The following SPAG16 variants were observed in gnomAD, a reference collection of about 807,000 sequenced individuals.
SPAG16 encodes sperm associated antigen 16.
Under a neutral mutation model 80.4 loss-of-function variants are expected in SPAG16, and 86 were observed. The observed-to-expected ratio is 1.07, with a 90% CI of 0.90 to 1.28. The LOEUF (loss-of-function observed/expected upper bound fraction) is 1.28, where lower values mean the gene tolerates loss of function less well. Ranked by LOEUF, SPAG16 falls within the 50% of genes most tolerant of loss-of-function variation. The pLI is 0.00. For missense variants in SPAG16, 870 were observed against 765.3 expected, an observed-to-expected ratio of 1.14 and a Z score of -1.61; for synonymous variants, 294 against 265.9, an observed-to-expected ratio of 1.11 and a Z score of -1.03.
chr2:214,085,189 T>C (rs900848478), intron 13 of SPAG16, among the ~76,000 whole-genome samples: 2 of 151,870 alleles, frequency 1.3e-5, no homozygotes. Context: ...CAAAAGAAAG[T>C]AGGACGAACA....
intron 10 of SPAG16, among the ~76,000 whole-genome samples, chr2:213,664,129 G>T (rs2125193642): frequency 6.6e-6 from 1 of 152,042 alleles, no homozygotes; most frequent in Non-Finnish European, 1.5e-5. Flanking sequence ...CTGTCATATT[G>T]CCTTTTCTCC....
At chr2:214,095,092 G>C (rs2052493001) in intron 13 of SPAG16, among the ~76,000 whole-genome samples, 1 of 152,028 alleles carries the variant, frequency 6.6e-6, no homozygotes, top group Non-Finnish European at 1.5e-5. Flanking sequence ...GAACTCAAAA[G>C]TTCTTAGCAC....
chr2:213,712,271 C>G (rs1299401760), intron 10 of SPAG16, among the ~76,000 whole-genome samples: 1 of 152,038 alleles, frequency 6.6e-6, no homozygotes, highest in Non-Finnish European at 1.5e-5. Flanking sequence ...ATTATTTATT[C>G]AACAAATATT....
intron 10 of SPAG16, among the ~76,000 whole-genome samples, chr2:213,582,575 G>C (rs1310783673): frequency 6.6e-6 from 1 of 152,088 alleles, no homozygotes; most frequent in Non-Finnish European, 1.5e-5. Context: ...AGGAGTTTTT[G>C]ATATTCAGTT....
chr2:214,230,709 C>T (rs1688633000), intron 15 of SPAG16, among the ~76,000 whole-genome samples: 1 of 151,752 alleles, frequency 6.6e-6, no homozygotes, highest in Non-Finnish European at 1.5e-5. Flanking sequence ...TGGACAATTT[C>T]CAAAAGGAGG....
At chr2:214,139,422 G>A (rs924018383) in intron 14 of SPAG16, among the ~76,000 whole-genome samples, 2 of 151,884 alleles carry the variant, frequency 1.3e-5, no homozygotes, top group African/African-American at 4.8e-5. Flanking sequence ...TTTTCAAAGA[G>A]CGGCTTTTGA....
At chr2:214,148,338 A>T (rs1458152621) in intron 14 of SPAG16, among the ~76,000 whole-genome samples, 2 of 152,016 alleles carry the variant, frequency 1.3e-5, no homozygotes, top group Non-Finnish European at 2.9e-5. Flanking sequence ...CTCCAAACTG[A>T]ACTGATGAGC....
intron 13 of SPAG16, among the ~76,000 whole-genome samples, chr2:214,018,951 G>A (rs895585566): frequency 6.6e-6 from 1 of 152,014 alleles, no homozygotes; most frequent in East Asian, 1.9e-4. Context: ...GAATTTTGTA[G>A]AGGATGAAAA....
chr2:213,367,246 A>G (rs1384636212), intron 8 of SPAG16, among the ~76,000 whole-genome samples: 1 of 7,112 alleles, frequency 1.4e-4, no homozygotes, highest in South Asian at 0.071. Flanking sequence ...CGCAATAAAC[A>G]TAATGTGTGC....
At chr2:213,448,153 T>C (rs751906556) in intron 9 of SPAG16, among the ~76,000 whole-genome samples, 6 of 152,250 alleles carry the variant, frequency 3.9e-5, no homozygotes, top group Non-Finnish European at 8.8e-5. Context: ...TAAGACAGTC[T>C]GTTATTTGGC....
intron 15 of SPAG16, among the ~76,000 whole-genome samples, chr2:214,294,353 T>C (rs990409137): frequency 6.6e-6 from 1 of 152,216 alleles, no homozygotes; most frequent in Non-Finnish European, 1.5e-5. Flanking sequence ...GAAGGCTGCC[T>C]CATTTCCCTT....
chr2:213,758,440 G>C (rs1661942448), intron 10 of SPAG16, among the ~76,000 whole-genome samples: 1 of 151,754 alleles, frequency 6.6e-6, no homozygotes, highest in Non-Finnish European at 1.5e-5. Context: ...ACTACAGGAA[G>C]ATATAGAGAA....
chr2:213,977,187 C>G (rs867433335), intron 12 of SPAG16, among the ~76,000 whole-genome samples: 4 of 152,078 alleles, frequency 2.6e-5, no homozygotes, highest in Middle Eastern at 6.8e-3. Context: ...TTGGAGGTTA[C>G]TACTATCCTC....
intron 10 of SPAG16, among the ~76,000 whole-genome samples, chr2:213,743,139 G>A (rs1246878195): frequency 6.6e-6 from 1 of 151,312 alleles, no homozygotes; most frequent in Non-Finnish European, 1.5e-5. Context: ...TCCTGACCTC[G>A]TGATCCACCC....
intron 15 of SPAG16, among the ~76,000 whole-genome samples, chr2:214,176,431 C>T (rs1286349836): frequency 2.0e-5 from 3 of 151,264 alleles, no homozygotes; most frequent in African/African-American, 7.3e-5. Flanking sequence ...TAATATGCCC[C>T]TCTTATCTGT....
At chr2:213,936,321 T>C (rs2078987204) in intron 12 of SPAG16, among the ~76,000 whole-genome samples, 5 of 152,214 alleles carry the variant, frequency 3.3e-5, no homozygotes, top group South Asian at 2.1e-4. Context: ...ATAACCCCTG[T>C]CAATTACTTT....
At chr2:214,172,202 G>A (rs1405569575) in intron 15 of SPAG16, among the ~76,000 whole-genome samples, 10 of 151,616 alleles carry the variant, frequency 6.6e-5, no homozygotes, top group African/African-American at 1.7e-4. Flanking sequence ...CCATTAACTC[G>A]TCATTTAGCA....
At chr2:214,166,338 A>G (rs1415219526) in intron 15 of SPAG16, among the ~76,000 whole-genome samples, 1 of 152,122 alleles carries the variant, frequency 6.6e-6, no homozygotes, top group Non-Finnish European at 1.5e-5. Context: ...TGTGTTTGGA[A>G]TTGACGAATG....
chr2:214,256,642 AAACAACAAC>A (rs565397319), intron 15 of SPAG16, among the ~76,000 whole-genome samples: 155 of 152,070 alleles, frequency 1.0e-3, no homozygotes, highest in Non-Finnish European at 1.5e-3. Flanking sequence ...ACAAACAAAC[AAACAACAAC>A]AACAACAAGA....
Sources: gnomAD v4.1 joint callset for allele counts (sites outside exome capture counted in the v4.1 genomes callset) on GRCh38, gnomAD v4.1.1 for gene constraint, MANE v1.5 for transcripts, NCBI Gene and HGNC (gene_info 2026-07-23, HGNC 2026-07-21) for gene names.